The following EPHB2 variants were observed in gnomAD, a reference collection of about 807,000 sequenced individuals.
EPHB2 encodes EPH receptor B2.
EPHB2 carries 18 observed loss-of-function variants against 96.4 expected under a neutral mutation model. The observed-to-expected ratio is 0.19, with a 90% CI of 0.13 to 0.28. The LOEUF is 0.28. Ranked by LOEUF, EPHB2 falls within the 10% of genes least tolerant of loss-of-function variation. The pLI is 1.00. For missense variants in EPHB2, 989 were observed against 1,355.4 expected (o/e 0.73, Z 4.25); for synonymous variants, 506 against 534.1 (o/e 0.95, Z 0.72).
At position 22,828,048 on chromosome 1, in the gene EPHB2, A is replaced by T. The variant is rs114149524; in HGVS notation, c.812-34989A>T. Among the ~76,000 whole-genome samples the T allele has an allele frequency of 2.7e-3, 410 of 152,334 alleles. 2 individuals are homozygous for T. Among genetic ancestry groups the T allele is most frequent in the Non-Finnish European group, 4.3e-3 (294 of 68,018 alleles). ...AAGAGGCCACTTTTGATGCCCAAGC[A>T]AAGACAAACATTTCAAAGCAGAGGT... is the stretch of plus-strand genomic sequence containing the variant. On this transcript the variant is annotated intron_variant, in intron 3 of 15. Coordinates refer to ENST00000374630, the MANE Select transcript of EPHB2 (RefSeq NM_017449.5).
intron 9 of EPHB2, among the ~76,000 whole-genome samples, chr1:22,898,110 C>T (rs1239574980): frequency 7.2e-6 from 1 of 138,528 alleles, no homozygotes; most frequent in Non-Finnish European, 1.5e-5. Flanking sequence ...CAGAGCAAGA[C>T]CCAGTCTCAA....
chr1:22,792,199 G>A (rs1404674016), intron 3 of EPHB2, among the ~76,000 whole-genome samples: 1 of 152,014 alleles, frequency 6.6e-6, no homozygotes, highest in Non-Finnish European at 1.5e-5. Context: ...AGTCTGCGGG[G>A]GTGGGGTGCG....
intron 6 of EPHB2, among the ~76,000 whole-genome samples, chr1:22,889,701 C>T (rs887108452): frequency 1.3e-5 from 2 of 152,080 alleles, no homozygotes; most frequent in Non-Finnish European, 2.9e-5. Flanking sequence ...GAGTCTTGAA[C>T]GATGAGTAGG....
intron 1 of EPHB2, among the ~76,000 whole-genome samples, chr1:22,740,803 C>T (rs1643892493): frequency 6.6e-6 from 1 of 152,186 alleles, no homozygotes; most frequent in South Asian, 2.1e-4. Context: ...ATACCGGCCC[C>T]TCCCTGCTTC....
intron 1 of EPHB2, among the ~76,000 whole-genome samples, chr1:22,720,602 G>A (rs1206069370): frequency 7.1e-6 from 1 of 141,040 alleles, no homozygotes; most frequent in Non-Finnish European, 1.5e-5. Context: ...CTCACAGGTA[G>A]TTTATCGTCC....
At chr1:22,722,434 G>A (rs1276789103) in intron 1 of EPHB2, among the ~76,000 whole-genome samples, 2 of 152,220 alleles carry the variant, frequency 1.3e-5, no homozygotes, top group Non-Finnish European at 2.9e-5. Flanking sequence ...GAAATAGCAA[G>A]GGTATTGTTA....
At chr1:22,785,343 C>G (rs1644596266) in intron 3 of EPHB2, among the ~76,000 whole-genome samples, 1 of 152,220 alleles carries the variant, frequency 6.6e-6, no homozygotes, top group Non-Finnish European at 1.5e-5. Context: ...TTTTTGTTTA[C>G]ATCATCATAT....
chr1:22,711,335 C>T (rs994214263), intron 1 of EPHB2, among the ~76,000 whole-genome samples: 13 of 147,606 alleles, frequency 8.8e-5, no homozygotes, highest in African/African-American at 3.2e-4. Flanking sequence ...TGCCCACGCG[C>T]GCTCGCCGCC....
rs571704363 is a variant in EPHB2, at chr1:22,916,991, A to T, written c.*3421A>T. Reference sequence around the variant, plus strand: ...CAACTGCGAAGACTCGGGCAGACCAATCAGAATAGATGATGGCCTGAGTGC... The same window carrying T: ...CAACTGCGAAGACTCGGGCAGACCATTCAGAATAGATGATGGCCTGAGTGC... On this transcript the variant is annotated 3_prime_UTR_variant, in exon 16 of 16. Transcript: ENST00000374630. This position sits in a 1 kb window ranked among gnomAD's most constrained non-coding sequence, Gnocchi z 4.2. The T allele has an allele frequency of 6.6e-6, 1 of 152,302 alleles. No homozygotes were observed. Among genetic ancestry groups the T allele is most frequent in the Non-Finnish European group, 1.5e-5 (1 of 68,126 alleles). 9.4% of individuals were successfully genotyped at this position (152,302 alleles called of 1,614,324 possible). A position where few individuals can be genotyped will look rare whatever the true frequency, so the allele number is the denominator to read the frequency against.
chr1:22,821,623 G>C (rs539635296), intron 3 of EPHB2, among the ~76,000 whole-genome samples: 1 of 152,242 alleles, frequency 6.6e-6, no homozygotes, highest in East Asian at 1.9e-4. Context: ...CTACATTCTG[G>C]GACATTTCTT....
chr1:22,867,843 G>A (rs1253130021), intron 5 of EPHB2, among the ~76,000 whole-genome samples: 1 of 152,178 alleles, frequency 6.6e-6, no homozygotes, highest in Non-Finnish European at 1.5e-5. Flanking sequence ...CTGCACTCCA[G>A]CCTGAATGAC....
chr1:22,911,126 G>A (rs1204571939), intron 14 of EPHB2, among the ~76,000 whole-genome samples: 1 of 134,766 alleles, frequency 7.4e-6, no homozygotes, highest in Non-Finnish European at 1.6e-5. Flanking sequence ...AGTGGCAAGA[G>A]TGAAACTCCA....
At chr1:22,722,616 C>T (rs553883421) in intron 1 of EPHB2, among the ~76,000 whole-genome samples, 2 of 152,292 alleles carry the variant, frequency 1.3e-5, no homozygotes, top group South Asian at 4.1e-4. Flanking sequence ...AATCCAGGAA[C>T]GTAAGAGCCA....
At chr1:22,736,707 C>T (rs1272336001) in intron 1 of EPHB2, among the ~76,000 whole-genome samples, 1 of 152,212 alleles carries the variant, frequency 6.6e-6, no homozygotes, top group East Asian at 1.9e-4. Flanking sequence ...TGGATAAAGG[C>T]GCTGCCCAGA....
At chr1:22,879,971 C>T (rs537751660) in intron 5 of EPHB2, among the ~76,000 whole-genome samples, 2 of 152,104 alleles carry the variant, frequency 1.3e-5, no homozygotes, top group African/African-American at 2.4e-5. Flanking sequence ...TGGAGTGTCT[C>T]GGGACAATTT....
chr1:22,825,961 G>A (rs2148479993), intron 3 of EPHB2, among the ~76,000 whole-genome samples: 1 of 152,336 alleles, frequency 6.6e-6, no homozygotes, highest in Non-Finnish European at 1.5e-5. Context: ...GAGTGGCTGG[G>A]AGCTAAGAGT....
At chr1:22,720,379 TG>T (rs1231165562) in intron 1 of EPHB2, among the ~76,000 whole-genome samples, 1 of 152,166 alleles carries the variant, frequency 6.6e-6, no homozygotes, top group East Asian at 1.9e-4. Context: ...GAAAATTTAA[TG>T]GTGGGTTATC....
chr1:22,864,073 C>G (rs977744419), intron 4 of EPHB2, among the ~76,000 whole-genome samples: 20 of 140,496 alleles, frequency 1.4e-4, no homozygotes, highest in Non-Finnish European at 2.7e-4. Flanking sequence ...TGGAGTTTCA[C>G]TCTGTCGCCC....
intron 1 of EPHB2, among the ~76,000 whole-genome samples, chr1:22,739,852 G>A (rs1643882686): frequency 6.6e-6 from 1 of 152,214 alleles, no homozygotes; most frequent in South Asian, 2.1e-4. Context: ...GATTTGATGA[G>A]TGATTCATAA....
Sources: allele counts gnomAD v4.1 joint callset (sites outside exome capture counted in the v4.1 genomes callset), GRCh38; gene constraint gnomAD v4.1.1; non-coding constraint Gnocchi (gnomAD v3.1); transcripts MANE v1.5; gene names NCBI Gene and HGNC (gene_info 2026-07-23, HGNC 2026-07-21).